ZBTB20: variants seen among roughly 807,000 people sequenced by gnomAD.
The protein encoded by ZBTB20 is zinc finger and BTB domain containing 20, also known as zinc finger and BTB domain-containing protein 20.
In ZBTB20, 9 loss-of-function variants were observed where a neutral mutation model predicts 56.9. The ratio of observed to expected loss-of-function variants is 0.16; its 90% CI spans 0.10 to 0.28. The LOEUF (loss-of-function observed/expected upper bound fraction) is 0.28, where lower values mean the gene tolerates loss of function less well. Among genes scored for constraint, ZBTB20 ranks in the 10% least tolerant of loss-of-function variants. The pLI, the probability that ZBTB20 is intolerant of heterozygous loss-of-function variation, is 1.00. For synonymous variants in ZBTB20, 417 were observed against 420.7 expected, an observed-to-expected ratio of 0.99 and a Z score of 0.11; for missense variants, 655 against 1,003.0, an observed-to-expected ratio of 0.65 and a Z score of 4.69.
chr3:114,774,253 T>C (rs2069426453), intron 5 of ZBTB20, among the ~76,000 whole-genome samples: 1 of 152,198 alleles, frequency 6.6e-6, no homozygotes. Context: ...AACAAACCAA[T>C]ATAATGATTT....
At chr3:114,975,742 T>C (rs1430337782) in intron 2 of ZBTB20, among the ~76,000 whole-genome samples, 1 of 152,206 alleles carries the variant, frequency 6.6e-6, no homozygotes, top group African/African-American at 2.4e-5. Context: ...GAAAAAATGT[T>C]CTGATCATAG....
At chr3:115,111,502 A>G (rs951304239) in intron 1 of ZBTB20, among the ~76,000 whole-genome samples, 2 of 152,188 alleles carry the variant, frequency 1.3e-5, no homozygotes, top group Non-Finnish European at 2.9e-5. Flanking sequence ...AAAGTAATTA[A>G]AATTCTCTCC....
intron 5 of ZBTB20, among the ~76,000 whole-genome samples, chr3:114,778,119 T>C (rs1379048513): frequency 7.4e-6 from 1 of 136,046 alleles, no homozygotes; most frequent in Admixed American, 7.3e-5. Flanking sequence ...GGGGGAGGGA[T>C]AGCATTAGGA....
intron 4 of ZBTB20, among the ~76,000 whole-genome samples, chr3:114,830,512 T>G (rs1479254195): frequency 1.3e-5 from 2 of 151,568 alleles, no homozygotes; most frequent in Non-Finnish European, 3.0e-5. Context: ...AATTAATGAG[T>G]CTCTCACTCC....
At chr3:114,587,993 G>C (rs1393441126) in intron 6 of ZBTB20, among the ~76,000 whole-genome samples, 6 of 152,190 alleles carry the variant, frequency 3.9e-5, no homozygotes, top group African/African-American at 7.2e-5. Flanking sequence ...ATATCTCCGT[G>C]CTATGAATGG....
At chr3:114,677,791 C>A (rs1445528849) in intron 6 of ZBTB20, among the ~76,000 whole-genome samples, 1 of 152,104 alleles carries the variant, frequency 6.6e-6, no homozygotes, top group Non-Finnish European at 1.5e-5. Flanking sequence ...AATATCATTT[C>A]ATTTACTATC....
At chr3:114,999,106 GAAGGA>G (rs1322794175) in intron 2 of ZBTB20, among the ~76,000 whole-genome samples, 3 of 145,350 alleles carry the variant, frequency 2.1e-5, no homozygotes, top group Non-Finnish European at 3.0e-5. Context: ...ATGAAAGGAG[GAAGGA>G]AAGGGAAGGG....
intron 7 of ZBTB20, among the ~76,000 whole-genome samples, chr3:114,474,361 A>G (rs906312230): frequency 6.6e-6 from 1 of 152,254 alleles, no homozygotes; most frequent in African/African-American, 2.4e-5. Context: ...AATGCTTCAC[A>G]TATCTGCACA....
intron 3 of ZBTB20, among the ~76,000 whole-genome samples, chr3:114,923,991 AG>A (rs2076057813): frequency 6.6e-6 from 1 of 152,208 alleles, no homozygotes; most frequent in Admixed American, 6.5e-5. Context: ...AATAATCATC[AG>A]GGAAATGCAC....
chr3:114,884,820 G>T (rs1011344528), intron 4 of ZBTB20, among the ~76,000 whole-genome samples: 1 of 152,110 alleles, frequency 6.6e-6, no homozygotes, highest in Admixed American at 6.5e-5. Flanking sequence ...AGGAGGAAAA[G>T]GGCTGATACT....
At chr3:114,570,093 T>TATTTCTCAACATGTATTTTGAGGTCAGC (rs2053250240) in intron 6 of ZBTB20, among the ~76,000 whole-genome samples, 1 of 152,168 alleles carries the variant, frequency 6.6e-6, no homozygotes, top group Admixed American at 6.5e-5. Flanking sequence ...TTGAGGTCAG[T>TATTTCTCAACATGTATTTTGAGGTCAGC]AATTTGCAAT....
chr3:114,462,549 T>C (rs1427924493), intron 7 of ZBTB20, among the ~76,000 whole-genome samples: 2 of 152,174 alleles, frequency 1.3e-5, no homozygotes, highest in South Asian at 2.1e-4. Context: ...TTCCATACCA[T>C]ATTCTCAAAT....
At chr3:114,930,325 G>GA (rs1163209912) in intron 3 of ZBTB20, among the ~76,000 whole-genome samples, 16 of 151,810 alleles carry the variant, frequency 1.1e-4, no homozygotes, top group Non-Finnish European at 1.2e-4. Flanking sequence ...TTATAAAGGA[G>GA]AAAAAAATGA....
At chr3:114,792,663 ATGCAGTGCTCCTAAAG>A (rs1357260189) in intron 5 of ZBTB20, among the ~76,000 whole-genome samples, 1 of 152,124 alleles carries the variant, frequency 6.6e-6, no homozygotes, top group Admixed American at 6.6e-5. Context: ...GGGTGTTTAC[ATGCAGTGCTCCTAAAG>A]TTGGCACACA....
chr3:114,990,576 G>T (rs542091385), intron 2 of ZBTB20, among the ~76,000 whole-genome samples: 4 of 151,828 alleles, frequency 2.6e-5, no homozygotes, highest in South Asian at 4.1e-4. Context: ...CTTTTTTTGT[G>T]GTGTCTCTGC....
intron 3 of ZBTB20, among the ~76,000 whole-genome samples, chr3:114,929,002 G>T (rs1209598822): frequency 6.6e-6 from 1 of 152,156 alleles, no homozygotes; most frequent in African/African-American, 2.4e-5. Flanking sequence ...TCATAGAAAA[G>T]AATTTTGTAT....
At chr3:114,476,972 G>T (rs1183423729) in intron 7 of ZBTB20, among the ~76,000 whole-genome samples, 2 of 152,150 alleles carry the variant, frequency 1.3e-5, no homozygotes, top group African/African-American at 4.8e-5. Context: ...TTTGAAAAAT[G>T]GGTATAATGG....
At chr3:114,891,192 C>G (rs2076793081) in intron 4 of ZBTB20, among the ~76,000 whole-genome samples, 1 of 152,152 alleles carries the variant, frequency 6.6e-6, no homozygotes, top group Non-Finnish European at 1.5e-5. Context: ...GTGACAGAGA[C>G]AGCCATAATG....
chr3:115,060,010 C>G (rs2081959227), intron 2 of ZBTB20, among the ~76,000 whole-genome samples: 1 of 151,972 alleles, frequency 6.6e-6, no homozygotes, highest in Admixed American at 6.6e-5. Flanking sequence ...ATCTTCTCAC[C>G]CAAACCACTG....
Sources: gnomAD v4.1 joint callset for allele counts (sites outside exome capture counted in the v4.1 genomes callset) on GRCh38, gnomAD v4.1.1 for gene constraint, MANE v1.5 for transcripts, NCBI Gene and HGNC (gene_info 2026-07-23, HGNC 2026-07-21) for gene names.